The following FRMPD4 variants were observed in gnomAD, a reference collection of about 807,000 sequenced individuals.
FRMPD4 encodes FERM and PDZ domain-containing protein 4.
In FRMPD4, 22 loss-of-function variants were observed where a neutral mutation model predicts 94.1. The ratio of observed to expected loss-of-function variants is 0.23; its 90% CI spans 0.17 to 0.33. The LOEUF (loss-of-function observed/expected upper bound fraction) is 0.33, where lower values mean the gene tolerates loss of function less well. Ranked by LOEUF, FRMPD4 falls within the 10% of genes least tolerant of loss-of-function variation. FRMPD4 has a pLI of 1.00. For missense variants in FRMPD4, 1,111 were observed against 1,339.9 expected (o/e 0.83, Z 2.67); for synonymous variants, 631 against 548.6 (o/e 1.15, Z -2.10).
chrX:12,502,035 C>G (rs1451576616), intron 2 of FRMPD4, among the ~76,000 whole-genome samples: 1 of 111,951 alleles, frequency 8.9e-6, no homozygotes, highest in Admixed American at 9.5e-5. Flanking sequence ...GGTTCTCAAC[C>G]TTGGCCACAC....
At chrX:12,458,874 A>C (rs1230192210) in intron 1 of FRMPD4, among the ~76,000 whole-genome samples, 1 of 111,304 alleles carries the variant, frequency 9.0e-6, no homozygotes, top group Non-Finnish European at 1.9e-5. Context: ...TAATGAATAC[A>C]GTGTTCCAAA....
At position 12,710,336 on chromosome X, in the gene FRMPD4, T is replaced by C; in HGVS notation, c.1471-63T>C. Reference sequence around the variant, plus strand: ...TTTTCCATAAGCATAAATGCAGCTGTTGACACTCCAGGGATGTTATTAAGA... The same window carrying C: ...TTTTCCATAAGCATAAATGCAGCTGCTGACACTCCAGGGATGTTATTAAGA... On this transcript the variant is annotated intron_variant, in intron 13 of 16. Transcript: ENST00000675598. 4.3e-6 allele frequency: 4 copies of C among 925,470 alleles called. 1 individual carries two copies. The highest frequency in any genetic ancestry group is 4.6e-6 in the Non-Finnish European group (3 of 658,972). 76.3% of individuals were successfully genotyped at this position (925,470 alleles called of 1,213,427 possible).
chrX:12,585,260 C>T (rs1052641547), intron 2 of FRMPD4, among the ~76,000 whole-genome samples: 4 of 108,239 alleles, frequency 3.7e-5, no homozygotes, highest in African/African-American at 1.4e-4. Flanking sequence ...CTTGCTCTGT[C>T]ATCCAGGCTG....
chrX:12,137,021 G>A (rs1276413792), upstream of FRMPD4, among the ~76,000 whole-genome samples: 7 of 109,967 alleles, frequency 6.4e-5, no homozygotes, highest in African/African-American at 2.3e-4. Context: ...ATATGAAAAG[G>A]TTGCGATGAG....
chrX:12,713,490 G>C (rs867006499), intron 14 of FRMPD4, among the ~76,000 whole-genome samples: 1 of 110,768 alleles, frequency 9.0e-6, no homozygotes, highest in African/African-American at 3.3e-5. Flanking sequence ...TGGAGAGAGA[G>C]AGAGAGAGAG....
chrX:12,568,218 A>T (rs2058730836), intron 2 of FRMPD4, among the ~76,000 whole-genome samples: 1 of 111,715 alleles, frequency 9.0e-6, no homozygotes, highest in Non-Finnish European at 1.9e-5. Flanking sequence ...GCTATTGGTG[A>T]TCCCTTGCAT....
chrX:11,853,634 T>A (rs1261106780), intron 1 of FRMPD4, among the ~76,000 whole-genome samples: 3 of 110,490 alleles, frequency 2.7e-5, no homozygotes, highest in Non-Finnish European at 5.7e-5. Context: ...TTAGAAAAAA[T>A]GGACACATAC....
intron 1 of FRMPD4, among the ~76,000 whole-genome samples, chrX:12,465,030 G>T (rs1601974587): frequency 1.8e-5 from 2 of 111,962 alleles, no homozygotes; most frequent in African/African-American, 3.2e-5. Flanking sequence ...ATCCTCCACC[G>T]CAGGTAATAA....
At chrX:11,979,236 T>C (rs2054384763) in intron 3 of FRMPD4, among the ~76,000 whole-genome samples, 1 of 112,084 alleles carries the variant, frequency 8.9e-6, no homozygotes, top group South Asian at 3.8e-4. Flanking sequence ...CACTAGAAAA[T>C]ATGCCATTTA....
At chrX:12,135,914 C>T (rs184358294), upstream of FRMPD4, among the ~76,000 whole-genome samples, 2 of 111,891 alleles carry the variant, frequency 1.8e-5, no homozygotes, top group African/African-American at 6.5e-5. Context: ...TGGTCTTGTG[C>T]TGCCAGATGT....
At chrX:12,048,999 A>AT (rs2054801691) in intron 3 of FRMPD4, among the ~76,000 whole-genome samples, 1 of 110,929 alleles carries the variant, frequency 9.0e-6, no homozygotes, top group African/African-American at 3.3e-5. Flanking sequence ...GAATTTTAGA[A>AT]TTTTTTTTCT....
At chrX:12,719,762 A>G (rs1377053948) in intron 16 of FRMPD4, among the ~76,000 whole-genome samples, 1 of 111,303 alleles carries the variant, frequency 9.0e-6, no homozygotes, top group Non-Finnish European at 1.9e-5. Context: ...CATGATTTAT[A>G]AAGAACTTTC....
At chrX:12,619,527 G>A (rs2088765231) in intron 4 of FRMPD4, among the ~76,000 whole-genome samples, 1 of 111,539 alleles carries the variant, frequency 9.0e-6, no homozygotes, top group African/African-American at 3.3e-5. Flanking sequence ...TGAGAAGGCA[G>A]ACCCACCCAG....
intron 3 of FRMPD4, among the ~76,000 whole-genome samples, chrX:11,918,215 T>C (rs1471764012): frequency 2.7e-5 from 3 of 113,115 alleles, no homozygotes; most frequent in Admixed American, 9.3e-5. Context: ...AATGTTTAAG[T>C]TTAGTTGTGC....
intron 1 of FRMPD4, among the ~76,000 whole-genome samples, chrX:12,147,064 T>C (rs776242158): frequency 8.9e-6 from 1 of 112,595 alleles, no homozygotes; most frequent in East Asian, 2.8e-4. Context: ...CTGGGAAGTT[T>C]AGTGCCACTG....
intron 2 of FRMPD4, among the ~76,000 whole-genome samples, chrX:12,543,371 A>G (rs1375269092): frequency 8.9e-6 from 1 of 112,170 alleles, no homozygotes; most frequent in Non-Finnish European, 1.9e-5. Flanking sequence ...AGAATCTACA[A>G]AGAACTCAAA....
chrX:11,867,295 T>C (rs2053726043), intron 2 of FRMPD4, among the ~76,000 whole-genome samples: 1 of 112,110 alleles, frequency 8.9e-6, no homozygotes. Context: ...TCTACTATTT[T>C]CTTGCTTTCC....
chrX:11,884,339 A>G (rs1310720036), intron 3 of FRMPD4, among the ~76,000 whole-genome samples: 1 of 112,112 alleles, frequency 8.9e-6, no homozygotes, highest in Non-Finnish European at 1.9e-5. Flanking sequence ...TTGAGGGGAT[A>G]GACGTCTCTG....
At chrX:11,941,238 T>C (rs2054158145) in intron 3 of FRMPD4, among the ~76,000 whole-genome samples, 1 of 50,883 alleles carries the variant, frequency 2.0e-5, no homozygotes, top group Non-Finnish European at 4.7e-5. Context: ...AATGCAGAAA[T>C]CACCGTCTTC....
Sources: gnomAD v4.1 joint callset for allele counts (sites outside exome capture counted in the v4.1 genomes callset) on GRCh38, gnomAD v4.1.1 for gene constraint, MANE v1.5 for transcripts, NCBI Gene and HGNC (gene_info 2026-07-23, HGNC 2026-07-21) for gene names.